The following EYA4 variants were observed in gnomAD, a reference collection of about 807,000 sequenced individuals.
EYA4 encodes protein phosphatase EYA4.
EYA4 carries 31 observed loss-of-function variants against 87.9 expected under a neutral mutation model. The ratio of observed to expected loss-of-function variants is 0.35; its 90% confidence interval spans 0.27 to 0.48. EYA4 has a LOEUF of 0.48. Among genes scored for constraint, EYA4 ranks in the 20% least tolerant of loss-of-function variants. EYA4 has a pLI of 0.99. For missense variants in EYA4, 678 were observed against 761.4 expected (o/e 0.89, Z 1.29); for synonymous variants, 263 against 270.6 (o/e 0.97, Z 0.28).
chr6:133,475,661 A>G (rs948452342), intron 11 of EYA4, among the ~76,000 whole-genome samples: 37 of 152,256 alleles, frequency 2.4e-4, no homozygotes, highest in Admixed American at 5.9e-4. Context: ...TGCTCTGCCA[A>G]TTTACATTTT....
chr6:133,288,641 C>T (rs1222233965), intron 2 of EYA4, among the ~76,000 whole-genome samples: 1 of 152,066 alleles, frequency 6.6e-6, no homozygotes, highest in Non-Finnish European at 1.5e-5. Context: ...ACAGTATTTT[C>T]CTTGAGGTGA....
At chr6:133,476,475 C>A (rs908880505) in intron 11 of EYA4, among the ~76,000 whole-genome samples, 2 of 152,074 alleles carry the variant, frequency 1.3e-5, no homozygotes, top group Non-Finnish European at 1.5e-5. Flanking sequence ...AACTTTTTTG[C>A]ACTCCACATA....
At chr6:133,269,181 C>T (rs1408405564) in intron 1 of EYA4, among the ~76,000 whole-genome samples, 4 of 152,178 alleles carry the variant, frequency 2.6e-5, no homozygotes, top group African/African-American at 7.2e-5. Flanking sequence ...GTCACTTGAA[C>T]CCACGAGGCA....
chr6:133,495,407 TAAAG>T (rs3066332), intron 13 of EYA4, among the ~76,000 whole-genome samples: 58 of 146,044 alleles, frequency 4.0e-4, no homozygotes, highest in South Asian at 6.5e-4. Context: ...TAAATAAATA[TAAAG>T]AAATATATTC....
chr6:133,345,209 A>G (rs959458048), intron 2 of EYA4, among the ~76,000 whole-genome samples: 3 of 152,184 alleles, frequency 2.0e-5, no homozygotes, highest in African/African-American at 7.2e-5. Flanking sequence ...GCTATGAAAG[A>G]AAAATTATTA....
intron 3 of EYA4, among the ~76,000 whole-genome samples, chr6:133,445,653 A>G (rs1792750744): frequency 1.4e-5 from 2 of 147,890 alleles, no homozygotes; most frequent in South Asian, 2.1e-4. Context: ...ATCTCCACTC[A>G]CTGCAAGCTC....
intron 3 of EYA4, among the ~76,000 whole-genome samples, chr6:133,418,517 T>C (rs1260907285): frequency 6.6e-6 from 1 of 152,250 alleles, no homozygotes; most frequent in Non-Finnish European, 1.5e-5. Flanking sequence ...ATTTAACATT[T>C]AAATATATAC....
At chr6:133,290,828 G>A (rs977771802) in intron 2 of EYA4, among the ~76,000 whole-genome samples, 6 of 152,080 alleles carry the variant, frequency 3.9e-5, no homozygotes, top group East Asian at 3.8e-4. Flanking sequence ...TTTTTGATTC[G>A]TTCCAACCTT....
intron 14 of EYA4, among the ~76,000 whole-genome samples, chr6:133,509,767 G>A (rs1055818097): frequency 6.6e-6 from 1 of 152,174 alleles, no homozygotes; most frequent in African/African-American, 2.4e-5. Flanking sequence ...AGTATTTAAA[G>A]TTAGTTCTAG....
At chr6:133,272,655 C>T (rs1776796806) in intron 1 of EYA4, among the ~76,000 whole-genome samples, 1 of 152,136 alleles carries the variant, frequency 6.6e-6, no homozygotes, top group Admixed American at 6.5e-5. Context: ...CTGTCATTCA[C>T]CTATGGGGGC....
chr6:133,370,271 G>C (rs1785167611), intron 2 of EYA4, among the ~76,000 whole-genome samples: 1 of 152,146 alleles, frequency 6.6e-6, no homozygotes, highest in African/African-American at 2.4e-5. Context: ...CAGGTTTTGG[G>C]GTTTTGAATG....
intron 3 of EYA4, among the ~76,000 whole-genome samples, chr6:133,417,985 G>A (rs957676574): frequency 8.5e-5 from 13 of 152,110 alleles, no homozygotes; most frequent in Admixed American, 7.2e-4. Flanking sequence ...TGCATAGTAC[G>A]GCTCCTCAGA....
At chr6:133,287,600 A>G (rs1778165618) in intron 2 of EYA4, among the ~76,000 whole-genome samples, 1 of 152,166 alleles carries the variant, frequency 6.6e-6, no homozygotes, top group African/African-American at 2.4e-5. Context: ...GGTGGCCACC[A>G]TGATGCTCAT....
chr6:133,397,737 C>T (rs1218380677), intron 3 of EYA4, among the ~76,000 whole-genome samples: 1 of 152,230 alleles, frequency 6.6e-6, no homozygotes, highest in Non-Finnish European at 1.5e-5. Context: ...GGACTTACAG[C>T]TCCACGTGCC....
chr6:133,362,985 T>C (rs978921439), intron 2 of EYA4, among the ~76,000 whole-genome samples: 2 of 152,202 alleles, frequency 1.3e-5, no homozygotes, highest in Admixed American at 6.5e-5. Flanking sequence ...TAAACTTTTA[T>C]GGCTCTGTGA....
intron 7 of EYA4, among the ~76,000 whole-genome samples, chr6:133,461,854 CT>C: frequency 1.5e-5 from 1 of 67,280 alleles, no homozygotes; most frequent in South Asian, 4.7e-4. Flanking sequence ...CTTTCTTTTT[CT>C]TTTTTTAAAT....
At chr6:133,293,219 G>A (rs407038) in intron 2 of EYA4, among the ~76,000 whole-genome samples, 102,160 of 152,036 alleles carry the variant, frequency 0.67, 35,850 homozygotes, top group African/African-American at 0.86. Flanking sequence ...CCAGATAACT[G>A]TGCCTTTTTC....
At chr6:133,332,123 G>T (rs1249829795) in intron 2 of EYA4, among the ~76,000 whole-genome samples, 3 of 152,160 alleles carry the variant, frequency 2.0e-5, no homozygotes, top group Admixed American at 6.5e-5. Flanking sequence ...GGAGACTCTG[G>T]CCATGTCGCC....
At chr6:133,360,594 GA>G (rs1191965505) in intron 2 of EYA4, 2 of 151,996 alleles carry the variant, frequency 1.3e-5, no homozygotes, top group African/African-American at 2.4e-5. Flanking sequence ...ACCATTTTTT[GA>G]GCATTTATGA....
Sources: allele counts gnomAD v4.1 joint callset (sites outside exome capture counted in the v4.1 genomes callset), GRCh38; gene constraint gnomAD v4.1.1; transcripts MANE v1.5; gene names NCBI Gene and HGNC (gene_info 2026-07-23, HGNC 2026-07-21).